Variants in DLC1 observed in about 807,000 individuals in gnomAD.
The protein encoded by DLC1 is rho GTPase-activating protein 7.
Under a neutral mutation model 140.3 loss-of-function variants are expected in DLC1, and 54 were observed. That is an observed-to-expected ratio of 0.38 (90% CI 0.31 to 0.48). DLC1 has a LOEUF of 0.48. DLC1 is among the 20% of genes least tolerant of loss of function. The pLI is 0.96. For missense variants in DLC1, 2,536 were observed against 1,907.0 expected (o/e 1.33, Z -6.14); for synonymous variants, 986 against 728.1 (o/e 1.35, Z -5.70).
Position 13,401,610 on chromosome 8 carries a change from C to T in DLC1, c.1033G>A (p.Glu345Lys). ...VRLRKRKEIR[E>K]DRDRARLDSM... is the part of the protein sequence containing the mutation. Reference sequence around the variant, plus strand: ...TCCAGCCGCGCCCTATCTCGATCTTCTCTTATTTCCTGAGGAACAGAACAT... The same window carrying T: ...TCCAGCCGCGCCCTATCTCGATCTTTTCTTATTTCCTGAGGAACAGAACAT... Residue 345 changes from glutamate (E) to lysine (K), a missense_variant, in exon 3 of 18, where the codon GAA (glutamate) becomes AAA (lysine). Physicochemically the swap from Glu to Lys is moderately conservative, Grantham distance 56 (BLOSUM62 1). Coordinates refer to ENST00000276297, the MANE Select transcript of DLC1 (RefSeq NM_182643.3). 1 of 1,612,802 alleles carries T rather than the reference C, an allele frequency of 6.2e-7. No homozygotes were observed. The highest frequency in any genetic ancestry group is 8.5e-7 in the Non-Finnish European group (1 of 1,179,592).
At position 13,128,054 on chromosome 8, in the gene DLC1, C is replaced by T. The variant is rs181595717; in HGVS notation, c.1349-12397G>A. ...AGTCTAGTAGAACAAAAAAAAAAAC[C>T]CCAAAAAAACAACAACCAAAAAACC... is the stretch of plus-strand genomic sequence containing the variant. On this transcript the variant is annotated intron_variant, in intron 5 of 17. Coordinates refer to ENST00000276297, the MANE Select transcript of DLC1 (RefSeq NM_182643.3). 3.9e-3 allele frequency among the ~76,000 whole-genome samples: 591 copies of T among 151,742 alleles called. 14 individuals are homozygous for T. Among genetic ancestry groups the T allele is most frequent in the Admixed American group, 0.035 (537 of 15,264 alleles).
At chr8:13,380,370 G>A (rs1295532540) in intron 4 of DLC1, among the ~76,000 whole-genome samples, 1 of 152,128 alleles carries the variant, frequency 6.6e-6, no homozygotes, top group Non-Finnish European at 1.5e-5. Context: ...CTATTTTGTA[G>A]TGTTTTAACA....
chr8:13,547,733 A>G (rs890154045), intron 1 of DLC1, among the ~76,000 whole-genome samples: 1 of 152,122 alleles, frequency 6.6e-6, no homozygotes, highest in South Asian at 2.1e-4. Flanking sequence ...CTCTATCTGC[A>G]CTCATCTATC....
At chr8:13,600,060 T>C (rs891390781) in intron 1 of DLC1, among the ~76,000 whole-genome samples, 1 of 151,864 alleles carries the variant, frequency 6.6e-6, no homozygotes, top group African/African-American at 2.4e-5. Flanking sequence ...TGGAGGTATC[T>C]GAAGAACCCT....
At chr8:13,155,364 G>GA (rs112251278) in intron 5 of DLC1, among the ~76,000 whole-genome samples, 63,497 of 149,666 alleles carry the variant, frequency 0.42, 14,012 homozygotes, top group East Asian at 0.52. Context: ...AAAAGCAAAT[G>GA]AAAAATAAAA....
chr8:13,567,533 T>G, intron 1 of DLC1: 2 of 1,551,816 alleles, frequency 1.3e-6, no homozygotes, highest in South Asian at 2.4e-5. Context: ...TTTAAAAACA[T>G]GAGGACAACG....
At chr8:13,362,300 GTGT>G (rs1286983573) in intron 4 of DLC1, among the ~76,000 whole-genome samples, 16 of 152,314 alleles carry the variant, frequency 1.1e-4, no homozygotes, top group African/African-American at 3.8e-4. Flanking sequence ...AAAGAGCCCA[GTGT>G]TTTGGGGACA....
chr8:13,500,726 T>A (rs527696978), intron 1 of DLC1, among the ~76,000 whole-genome samples: 4 of 152,194 alleles, frequency 2.6e-5, no homozygotes, highest in East Asian at 1.9e-4. Flanking sequence ...ACGACCAGTA[T>A]GTAGTTACTC....
At chr8:13,402,227 T>A (rs1322346719) in intron 2 of DLC1, among the ~76,000 whole-genome samples, 1 of 152,234 alleles carries the variant, frequency 6.6e-6, no homozygotes, top group East Asian at 1.9e-4. Context: ...CAACAATTTG[T>A]ATTTTTGTAA....
chr8:13,413,048 G>C (rs1349957966), intron 2 of DLC1, among the ~76,000 whole-genome samples: 1 of 151,840 alleles, frequency 6.6e-6, no homozygotes, highest in East Asian at 1.9e-4. Context: ...ACTTTAGTCT[G>C]GTGTCCTTGT....
intron 5 of DLC1, among the ~76,000 whole-genome samples, chr8:13,146,800 CA>C (rs1476230331): frequency 2.0e-5 from 3 of 152,068 alleles, no homozygotes; most frequent in Non-Finnish European, 4.4e-5. Flanking sequence ...AAAAGCAAAC[CA>C]GGAAATTTAA....
chr8:13,523,279 A>G (rs578158925), intron 1 of DLC1, among the ~76,000 whole-genome samples: 3 of 152,172 alleles, frequency 2.0e-5, no homozygotes, highest in South Asian at 4.1e-4. Flanking sequence ...CATGCTACCA[A>G]TTTTTTTTAA....
chr8:13,364,672 G>A (rs1233991047), intron 4 of DLC1, among the ~76,000 whole-genome samples: 1 of 152,104 alleles, frequency 6.6e-6, no homozygotes, highest in Non-Finnish European at 1.5e-5. Flanking sequence ...AAGCACATAA[G>A]CTTACATGGA....
intron 4 of DLC1, among the ~76,000 whole-genome samples, chr8:13,350,615 T>C (rs1834609903): frequency 6.6e-6 from 1 of 151,992 alleles, no homozygotes. Context: ...ACTTGGGTGG[T>C]TGAGGCAGGA....
At chr8:13,358,830 A>G (rs1315598083) in intron 4 of DLC1, among the ~76,000 whole-genome samples, 1 of 152,228 alleles carries the variant, frequency 6.6e-6, no homozygotes, top group African/African-American at 2.4e-5. Flanking sequence ...TGACAAAGTT[A>G]TTAAAAATCA....
intron 2 of DLC1, among the ~76,000 whole-genome samples, chr8:13,498,346 C>A (rs997780972): frequency 6.6e-6 from 1 of 152,192 alleles, no homozygotes; most frequent in African/African-American, 2.4e-5. Flanking sequence ...GCCCTTGCTT[C>A]TCTCACTTGA....
intron 5 of DLC1, among the ~76,000 whole-genome samples, chr8:13,168,081 T>C (rs546998487): frequency 5.6e-4 from 86 of 152,324 alleles, no homozygotes; most frequent in African/African-American, 1.9e-3. Context: ...TTGGCCTCTC[T>C]AAGCCACAGT....
At chr8:13,520,672 C>A (rs1329948508) in intron 1 of DLC1, among the ~76,000 whole-genome samples, 2 of 152,034 alleles carry the variant, frequency 1.3e-5, no homozygotes, top group African/African-American at 2.4e-5. Context: ...TTGACACAGA[C>A]AAGAGGGCAC....
chr8:13,180,755 A>C (rs1825987045), intron 5 of DLC1, among the ~76,000 whole-genome samples: 1 of 152,234 alleles, frequency 6.6e-6, no homozygotes, highest in South Asian at 2.1e-4. Context: ...GTAAGAATTC[A>C]ATTAAAACCA....
Sources: gnomAD v4.1 joint callset for allele counts (sites outside exome capture counted in the v4.1 genomes callset) on GRCh38, gnomAD v4.1.1 for gene constraint, MANE v1.5 for transcripts, NCBI Gene and HGNC (gene_info 2026-07-23, HGNC 2026-07-21) for gene names.